ST18: variants seen among roughly 807,000 people sequenced by gnomAD.
ST18 encodes ST18 C2H2C-type zinc finger transcription factor.
A neutral mutation model predicts 110.0 loss-of-function variants in ST18; 50 were observed. The ratio of observed to expected loss-of-function variants is 0.45; its 90% CI spans 0.36 to 0.58. The LOEUF is 0.58. ST18 is among the 20% of genes least tolerant of loss of function. ST18 has a pLI of 0.00. For missense variants in ST18, 1,306 were observed against 1,280.1 expected, an observed-to-expected ratio of 1.02 and a Z score of -0.31; for synonymous variants, 461 against 452.4, an observed-to-expected ratio of 1.02 and a Z score of -0.24.
intron 2 of ST18, among the ~76,000 whole-genome samples, chr8:52,274,492 G>A (rs2095174232): frequency 6.6e-6 from 1 of 152,078 alleles, no homozygotes; most frequent in Non-Finnish European, 1.5e-5. Flanking sequence ...ACAGAAATAG[G>A]AAAAAGAGTT....
At chr8:52,245,396 A>G (rs544432472) in intron 2 of ST18, among the ~76,000 whole-genome samples, 49 of 152,274 alleles carry the variant, frequency 3.2e-4, no homozygotes, top group African/African-American at 1.1e-3. Context: ...CATGCCAAAC[A>G]TGAATTCACT....
At chr8:52,157,566 C>T (rs989358908) in intron 15 of ST18, among the ~76,000 whole-genome samples, 1 of 152,174 alleles carries the variant, frequency 6.6e-6, no homozygotes, top group African/African-American at 2.4e-5. Context: ...TTCCCTAAAT[C>T]ACCTATGTAA....
At chr8:52,222,789 A>G (rs999951531) in intron 3 of ST18, among the ~76,000 whole-genome samples, 5 of 152,134 alleles carry the variant, frequency 3.3e-5, no homozygotes, top group African/African-American at 1.2e-4. Context: ...TTTGAGTTTG[A>G]TCTTAAATAT....
chr8:52,252,673 A>T (rs954943315), intron 2 of ST18, among the ~76,000 whole-genome samples: 1 of 152,042 alleles, frequency 6.6e-6, no homozygotes, highest in Non-Finnish European at 1.5e-5. Flanking sequence ...CATAACATAA[A>T]TACAACTAAA....
chr8:52,110,875 T>G lies in ST18; in HGVS notation c.*2323A>C. The G allele has an allele frequency of 2.6e-6, 1 of 388,128 alleles. No individual in the cohort carries two copies. Among genetic ancestry groups the G allele is most frequent in the East Asian group, 3.6e-5 (1 of 27,566 alleles). 24.0% of individuals were successfully genotyped at this position (388,128 alleles called of 1,614,324 possible). A position where few individuals can be genotyped will look rare whatever the true frequency, so the allele number is the denominator to read the frequency against. ...TTTATTTCCTACCATACACCAAATG[T>G]ACAGCACTGAACACAATTTTGTTGC... On this transcript the variant is annotated 3_prime_UTR_variant, in exon 26 of 26. Coordinates refer to ENST00000689386, the MANE Select transcript of ST18 (RefSeq NM_001352837.2).
At chr8:52,386,803 T>C (rs58823862) in intron 2 of ST18, among the ~76,000 whole-genome samples, 2,318 of 152,234 alleles carry the variant, frequency 0.015, 59 homozygotes, top group African/African-American at 0.053. Context: ...ACTGATCAAT[T>C]TGAAGACCAG....
Position 52,218,481 on chromosome 8 carries a change from G to A in ST18, c.-156-580C>T, listed in dbSNP as rs572343169. Among the ~76,000 whole-genome samples the A allele has an allele frequency of 1.4e-3, 205 of 150,606 alleles. No individual in the cohort carries two copies. The Middle Eastern group carries it at 0.014, about 10-fold the overall frequency. On this transcript the variant is annotated intron_variant, in intron 5 of 25. Transcript: ENST00000689386. ...CACTGCAACCTCACCTCTGCCTCCC[G>A]GGTTCAAGCGGTTCTCCTGCCTCAG...
chr8:52,128,319 G>C (rs572831674), intron 22 of ST18, among the ~76,000 whole-genome samples: 1 of 152,156 alleles, frequency 6.6e-6, no homozygotes, highest in Non-Finnish European at 1.5e-5. Flanking sequence ...AATGGCAGGT[G>C]ATACAATGTA....
At chr8:52,334,242 G>T (rs1381445250) in intron 2 of ST18, among the ~76,000 whole-genome samples, 2 of 152,078 alleles carry the variant, frequency 1.3e-5, no homozygotes, top group African/African-American at 2.4e-5. Context: ...ATTTAATAAA[G>T]ACATAAATAA....
chr8:52,177,111 T>G (rs1022395913), intron 9 of ST18, among the ~76,000 whole-genome samples: 21 of 152,286 alleles, frequency 1.4e-4, no homozygotes, highest in African/African-American at 4.8e-4. Flanking sequence ...TTGGTTAATC[T>G]TCCTTCCGGA....
At chr8:52,371,734 A>G (rs887798708) in intron 2 of ST18, among the ~76,000 whole-genome samples, 2 of 152,222 alleles carry the variant, frequency 1.3e-5, no homozygotes, top group South Asian at 2.1e-4. Flanking sequence ...CGGTGATCCC[A>G]TAAGACTATA....
At chr8:52,202,033 T>A (rs990131386) in intron 8 of ST18, among the ~76,000 whole-genome samples, 5 of 152,212 alleles carry the variant, frequency 3.3e-5, no homozygotes, top group Admixed American at 6.5e-5. Context: ...CAATGGAAAC[T>A]GCTGGCTAAA....
At chr8:52,331,718 C>T (rs187639436) in intron 2 of ST18, among the ~76,000 whole-genome samples, 12 of 152,220 alleles carry the variant, frequency 7.9e-5, no homozygotes, top group African/African-American at 2.2e-4. Flanking sequence ...ATGGGGGACA[C>T]GTGTGCATAT....
At chr8:52,176,625 G>A (rs543987581) in intron 9 of ST18, among the ~76,000 whole-genome samples, 62 of 152,282 alleles carry the variant, frequency 4.1e-4, no homozygotes, top group Non-Finnish European at 7.6e-4. Flanking sequence ...GTTTCTGCCT[G>A]ATACATACAA....
intron 10 of ST18, among the ~76,000 whole-genome samples, chr8:52,170,238 C>T (rs116296782): frequency 0.012 from 1,900 of 152,144 alleles, 34 homozygotes; most frequent in African/African-American, 0.044. Flanking sequence ...GAGGCCGAGG[C>T]GGATGGATCA....
At chr8:52,306,371 G>A (rs1009587162) in intron 2 of ST18, among the ~76,000 whole-genome samples, 2 of 152,180 alleles carry the variant, frequency 1.3e-5, no homozygotes, top group Non-Finnish European at 2.9e-5. Context: ...CTTAAGGGCA[G>A]GGATGTTTGT....
chr8:52,140,395 T>C lies in ST18; in HGVS notation c.2168+2535A>G, dbSNP rs927051434. ...AAATACAAAAATTAGCCGGGTGTGGTGGTGGGCGCCTGTAATCCCAGCTGC... is the reference window on the plus strand; with the variant it reads ...AAATACAAAAATTAGCCGGGTGTGGCGGTGGGCGCCTGTAATCCCAGCTGC... On this transcript the variant is annotated intron_variant, in intron 17 of 25. Transcript: ENST00000689386. Among the ~76,000 whole-genome samples the C allele has an allele frequency of 2.7e-4, 41 of 151,924 alleles. 1 individual carries two copies. Among genetic ancestry groups the C allele is most frequent in the African/African-American group, 9.4e-4 (39 of 41,428 alleles).
chr8:52,149,603 A>G, intron 16 of ST18, 129 bp downstream of exon 16: 6 of 1,311,150 alleles, frequency 4.6e-6, no homozygotes, highest in Non-Finnish European at 5.0e-6. Flanking sequence ...CTTTATCAAA[A>G]TCTAAAGCAA....
intron 2 of ST18, among the ~76,000 whole-genome samples, chr8:52,236,747 C>T (rs1044254966): frequency 3.3e-5 from 5 of 152,024 alleles, no homozygotes; most frequent in African/African-American, 1.2e-4. Flanking sequence ...GGAATGGGAG[C>T]TTTTGTGCTG....
Sources: allele counts gnomAD v4.1 joint callset (sites outside exome capture counted in the v4.1 genomes callset), GRCh38; gene constraint gnomAD v4.1.1; transcripts MANE v1.5; gene names NCBI Gene and HGNC (gene_info 2026-07-23, HGNC 2026-07-21).